MYO1D: variants seen among roughly 807,000 people sequenced by gnomAD.
MYO1D encodes the protein unconventional myosin-Id.
Under a neutral mutation model 122.0 loss-of-function variants are expected in MYO1D, and 83 were observed. The observed-to-expected ratio is 0.68, with a 90% CI of 0.57 to 0.82. The LOEUF is 0.82. MYO1D is among the 40% of genes least tolerant of loss of function. The pLI is 0.00. For missense variants in MYO1D, 1,157 were observed against 1,269.5 expected (o/e 0.91, Z 1.35); for synonymous variants, 464 against 446.9 (o/e 1.04, Z -0.48).
chr17:32,843,786 T>TA (rs2090907851), intron 1 of MYO1D, among the ~76,000 whole-genome samples: 1 of 152,156 alleles, frequency 6.6e-6, no homozygotes, highest in Non-Finnish European at 1.5e-5. Context: ...GAAAATCTAT[T>TA]AACAATGGTA....
At chr17:32,624,784 ATCT>A (rs969458569) in intron 20 of MYO1D, among the ~76,000 whole-genome samples, 11 of 146,258 alleles carry the variant, frequency 7.5e-5, no homozygotes, top group African/African-American at 2.8e-4. Context: ...CCTTTTTTGT[ATCT>A]TTTTTTTTTT....
intron 16 of MYO1D, among the ~76,000 whole-genome samples, chr17:32,694,787 T>C (rs994665152): frequency 1.3e-5 from 2 of 150,500 alleles, no homozygotes; most frequent in African/African-American, 4.9e-5. Context: ...TTGCTGGTCA[T>C]CTCTACTTGA....
chr17:32,561,106 T>C (rs1037060575), intron 21 of MYO1D, among the ~76,000 whole-genome samples: 4 of 151,782 alleles, frequency 2.6e-5, no homozygotes, highest in African/African-American at 9.7e-5. Flanking sequence ...GAGACAGGGT[T>C]TCACCATGTT....
At chr17:32,670,068 C>CT (rs2088691918) in intron 16 of MYO1D, among the ~76,000 whole-genome samples, 1 of 151,812 alleles carries the variant, frequency 6.6e-6, no homozygotes, top group Non-Finnish European at 1.5e-5. Flanking sequence ...TAAGTTTTGT[C>CT]TTTTTTTAGT....
chr17:32,823,942 C>T (rs930194530), intron 1 of MYO1D, among the ~76,000 whole-genome samples: 5 of 151,644 alleles, frequency 3.3e-5, no homozygotes, highest in Non-Finnish European at 7.4e-5. Context: ...TGGTGGGCAC[C>T]TGTAGTCCCG....
chr17:32,780,684 A>G lies in MYO1D; in HGVS notation c.196T>C (p.Tyr66His). The change falls in exon 2 of 22, where the codon TAT becomes CAT. Residue 66 changes from tyrosine to histidine, a missense_variant. Transcript: ENST00000318217. ...NIYGRDTIEQ[Y>H]KGRELYERPP... ...CTCTCATACAGCTCACGGCCTTTAT[A>G]CTGCTCAATTGTGTCTCTTCCATAG... 6.2e-7 allele frequency: 1 copy of G among 1,614,206 alleles called. No individual in the cohort carries two copies. Among genetic ancestry groups the G allele is most frequent in the Non-Finnish European group, 8.5e-7 (1 of 1,180,042 alleles).
intron 1 of MYO1D, among the ~76,000 whole-genome samples, chr17:32,866,880 TCAA>T (rs2091130057): frequency 6.6e-6 from 1 of 152,198 alleles, no homozygotes; most frequent in Non-Finnish European, 1.5e-5. Flanking sequence ...TATCTCTACT[TCAA>T]CAAGGGTCTG....
At chr17:32,775,755 A>G in intron 4 of MYO1D, 109 bp downstream of exon 4, 2 of 937,956 alleles carry the variant, frequency 2.1e-6, no homozygotes, top group East Asian at 5.4e-5. Context: ...TGAAGAAGGG[A>G]GAATAGGATT....
chr17:32,865,838 C>T (rs1417034764), intron 1 of MYO1D, among the ~76,000 whole-genome samples: 1 of 152,298 alleles, frequency 6.6e-6, no homozygotes, highest in Non-Finnish European at 1.5e-5. Flanking sequence ...GGAAGGTGGA[C>T]AAAATATCAA....
chr17:32,664,376 G>C (rs2088609647), intron 16 of MYO1D, among the ~76,000 whole-genome samples: 1 of 152,118 alleles, frequency 6.6e-6, no homozygotes, highest in Non-Finnish European at 1.5e-5. Flanking sequence ...GTCATACAAA[G>C]CTTACGTTTG....
At chr17:32,740,853 A>G (rs1488357792) in intron 13 of MYO1D, among the ~76,000 whole-genome samples, 1 of 152,164 alleles carries the variant, frequency 6.6e-6, no homozygotes, top group Non-Finnish European at 1.5e-5. Context: ...GCTCCTCCAG[A>G]GACCCAGTAT....
chr17:32,688,197 G>C lies in MYO1D; in HGVS notation c.2121+23791C>G, dbSNP rs190969367. 3.2e-4 allele frequency among the ~76,000 whole-genome samples: 48 copies of C among 152,250 alleles called. 1 individual carries two copies. Among genetic ancestry groups the C allele is most frequent in the Middle Eastern group, 6.8e-3 (2 of 292 alleles). The stretch of plus-strand genomic sequence containing the variant: ...CTTCCTTGCCCACTCAAGAAAGCAC[G>C]TATAAATTCCATGGGAATAACCTTG... On this transcript the variant is annotated intron_variant, in intron 16 of 21. Coordinates refer to ENST00000318217, the MANE Select transcript of MYO1D (RefSeq NM_015194.3).
intron 21 of MYO1D, among the ~76,000 whole-genome samples, chr17:32,560,743 C>T (rs1310152344): frequency 1.3e-5 from 2 of 150,844 alleles, no homozygotes; most frequent in Non-Finnish European, 3.0e-5. Flanking sequence ...CCTCAGCCTA[C>T]TGAGTAGCTG....
Position 32,721,103 on chromosome 17 carries a change from T to C in MYO1D, c.1833A>G (p.Glu611=), listed in dbSNP as rs754080946. Residue 611 remains glutamate (E), a synonymous_variant, in exon 15 of 22, where the codon GAA becomes GAG. Coordinates refer to ENST00000318217, the MANE Select transcript of MYO1D (RefSeq NM_015194.3). ...TCACATTTTCCAGTAGTCCAAGATATTCTACTTGGTGCCGGCAGCGTTCAT... is the reference window on the plus strand; with the variant it reads ...TCACATTTTCCAGTAGTCCAAGATACTCTACTTGGTGCCGGCAGCGTTCAT... ...FDDERCRHQV[E]YLGLLENVRV... 2 of 1,614,078 alleles carry C rather than the reference T, an allele frequency of 1.2e-6. No individual in the cohort carries two copies. The highest frequency in any genetic ancestry group is 2.2e-5 in the South Asian group (2 of 91,046).
chr17:32,519,320 G>C (rs370191813), intron 21 of MYO1D: 1 of 152,402 alleles, frequency 6.6e-6, no homozygotes, highest in African/African-American at 2.4e-5. Context: ...TCGCGGCCCC[G>C]GGCACCTGCA....
At chr17:32,776,363 T>C (rs1192166514) in intron 3 of MYO1D, among the ~76,000 whole-genome samples, 1 of 152,216 alleles carries the variant, frequency 6.6e-6, no homozygotes, top group East Asian at 1.9e-4. Flanking sequence ...TGTATGTGTA[T>C]GTTCACGTGT....
At chr17:32,729,722 T>C (rs1183804297) in intron 14 of MYO1D, among the ~76,000 whole-genome samples, 1 of 152,188 alleles carries the variant, frequency 6.6e-6, no homozygotes, top group African/African-American at 2.4e-5. Context: ...AGCTTCTGGC[T>C]TTCATGGGAC....
chr17:32,839,964 C>T (rs9899478), intron 1 of MYO1D, among the ~76,000 whole-genome samples: 8,082 of 152,166 alleles, frequency 0.053, 656 homozygotes, highest in African/African-American at 0.18. Context: ...CATTCAAAGC[C>T]GTCTCCTTTT....
At chr17:32,553,106 A>AAC (rs1349806767) in intron 21 of MYO1D, among the ~76,000 whole-genome samples, 2 of 151,356 alleles carry the variant, frequency 1.3e-5, no homozygotes, top group East Asian at 1.9e-4. Flanking sequence ...AACAAAACAA[A>AAC]AAAAAAAACA....
Sources: allele counts gnomAD v4.1 joint callset (sites outside exome capture counted in the v4.1 genomes callset), GRCh38; gene constraint gnomAD v4.1.1; transcripts MANE v1.5; gene names NCBI Gene and HGNC (gene_info 2026-07-23, HGNC 2026-07-21).